Variants in SCN11A observed in about 807,000 individuals in gnomAD.
The protein encoded by SCN11A is sodium voltage-gated channel alpha subunit 11.
In SCN11A, 122 loss-of-function variants were observed where a neutral mutation model predicts 162.2. The ratio of observed to expected loss-of-function variants is 0.75; its 90% CI spans 0.65 to 0.87. The LOEUF (loss-of-function observed/expected upper bound fraction) is 0.87, where lower values mean the gene tolerates loss of function less well. Ranked by LOEUF, SCN11A falls within the 40% of genes least tolerant of loss-of-function variation. SCN11A has a pLI of 0.00. For missense variants in SCN11A, 2,015 were observed against 2,181.6 expected (o/e 0.92, Z 1.52); for synonymous variants, 758 against 751.5 (o/e 1.01, Z -0.14).
chr3:38,994,720 A>G (rs2030559091), intron 2 of SCN11A, among the ~76,000 whole-genome samples: 1 of 152,140 alleles, frequency 6.6e-6, no homozygotes, highest in Non-Finnish European at 1.5e-5. Context: ...GAGTGTTTCT[A>G]TGGACGAAGT....
At chr3:38,864,542 G>C (rs2065013032) in intron 27 of SCN11A, among the ~76,000 whole-genome samples, 1 of 152,120 alleles carries the variant, frequency 6.6e-6, no homozygotes, top group Non-Finnish European at 1.5e-5. Context: ...TAGATGTTAA[G>C]TGAAAACTTT....
chr3:39,010,623 C>A (rs1368797924), intron 2 of SCN11A, among the ~76,000 whole-genome samples: 1 of 152,118 alleles, frequency 6.6e-6, no homozygotes, highest in African/African-American at 2.4e-5. Context: ...CATGATCCAC[C>A]CGCCTCGGCC....
intron 2 of SCN11A, among the ~76,000 whole-genome samples, chr3:38,980,303 A>G (rs192556487): frequency 3.3e-4 from 51 of 152,368 alleles, no homozygotes; most frequent in Middle Eastern, 6.8e-3. Context: ...TGGGAAAACC[A>G]TGGAAAACTG....
In SCN11A at chr3:38,905,055, C is replaced by T. The variant is rs754871244; in HGVS notation, c.1603+137G>A. The T allele has an allele frequency of 5.6e-4, 611 of 1,093,242 alleles. 2 individuals are homozygous for T. The highest frequency in any genetic ancestry group is 2.2e-4 in the Non-Finnish European group (158 of 734,812). The allele number at this position is 1,093,242 out of a possible 1,614,324, so 67.7% of individuals were successfully genotyped here. A position where few individuals can be genotyped will look rare whatever the true frequency, so the allele number is the denominator to read the frequency against. ...CATGCTCCAAAGAGGCAAAGGAAGT[C>T]ACTCTTTGCAGGATGGTACAGTGGG... On this transcript the variant is annotated intron_variant, in intron 15 of 29. Coordinates refer to ENST00000302328, the MANE Select transcript of SCN11A (RefSeq NM_001349253.2).
At chr3:38,951,281 G>A (rs1013141144) in intron 4 of SCN11A, among the ~76,000 whole-genome samples, 2 of 152,244 alleles carry the variant, frequency 1.3e-5, no homozygotes, top group African/African-American at 2.4e-5. Flanking sequence ...GGCAGTGAGG[G>A]GCTTGGCACC....
chr3:38,847,147 G>T lies in SCN11A; in HGVS notation c.4923C>A (p.Ile1641=), dbSNP rs2064683938. 3 of 1,614,166 alleles carry T rather than the reference G, an allele frequency of 1.9e-6. No homozygotes were observed. In the African/African-American group the frequency reaches 4.0e-5, roughly 22 times the overall value. ...CAAAGTCAGAAAGGGCAGAATATTT[G>T]ATAAATTGTGTTGCTTCTGGGTCAA... The part of the protein sequence containing the change: ...EKFDPEATQF[I]KYSALSDFAD... Residue 1641 remains isoleucine (I), a synonymous_variant, in exon 30 of 30, where the codon ATC becomes ATA. Transcript: ENST00000302328.
At chr3:38,949,049 T>C (rs1445674417) in intron 5 of SCN11A, among the ~76,000 whole-genome samples, 1 of 152,210 alleles carries the variant, frequency 6.6e-6, no homozygotes, top group East Asian at 1.9e-4. Flanking sequence ...CTATCCCAAT[T>C]GAAGTACATG....
chr3:38,971,421 C>T (rs1176681060), intron 2 of SCN11A, among the ~76,000 whole-genome samples: 3 of 152,096 alleles, frequency 2.0e-5, no homozygotes, highest in Non-Finnish European at 4.4e-5. Flanking sequence ...GACAAAAGAG[C>T]AAGCAGGCAG....
At chr3:38,929,156 C>A (rs1310840391) in intron 7 of SCN11A, among the ~76,000 whole-genome samples, 1 of 130,180 alleles carries the variant, frequency 7.7e-6, no homozygotes, top group Non-Finnish European at 1.7e-5. Context: ...CACACACACA[C>A]ACACACACAC....
intron 26 of SCN11A, among the ~76,000 whole-genome samples, chr3:38,868,913 T>G (rs573354198): frequency 6.6e-6 from 1 of 152,204 alleles, no homozygotes; most frequent in African/African-American, 2.4e-5. Context: ...ACGGAGTTGA[T>G]AGCCATGGGC....
intron 2 of SCN11A, among the ~76,000 whole-genome samples, chr3:39,026,945 TG>T (rs2031604070): frequency 1.3e-5 from 2 of 152,322 alleles, no homozygotes; most frequent in South Asian, 4.1e-4. Context: ...GCCTTATTAG[TG>T]TTAAGTCAGA....
intron 5 of SCN11A, 47 bp from the exon 6 acceptor site, chr3:38,946,954 AG>A: frequency 9.2e-7 from 1 of 1,085,210 alleles, no homozygotes. Context: ...CATACACAAC[AG>A]GAATTAAATG....
intron 2 of SCN11A, among the ~76,000 whole-genome samples, chr3:38,972,216 T>C (rs989589446): frequency 6.6e-6 from 1 of 152,164 alleles, no homozygotes; most frequent in South Asian, 2.1e-4. Context: ...GGGGGAGTGA[T>C]GGGGGAGCCT....
At chr3:39,004,482 T>TTAA in intron 2 of SCN11A, among the ~76,000 whole-genome samples, 2 of 152,322 alleles carry the variant, frequency 1.3e-5, no homozygotes, top group African/African-American at 4.8e-5. Flanking sequence ...TCCTTTTACT[T>TTAA]AGGATTGTCT....
intron 1 of SCN11A, among the ~76,000 whole-genome samples, chr3:39,035,303 A>G (rs2031873740): frequency 6.6e-6 from 1 of 152,210 alleles, no homozygotes. Flanking sequence ...TACATCTACA[A>G]TGAACTCACT....
At chr3:39,004,435 A>G (rs1410386401) in intron 2 of SCN11A, among the ~76,000 whole-genome samples, 2 of 152,122 alleles carry the variant, frequency 1.3e-5, no homozygotes, top group Non-Finnish European at 2.9e-5. Flanking sequence ...CCTGTAGTAT[A>G]GTTTGAAGTT....
chr3:38,943,182 G>A (rs780781538), intron 7 of SCN11A, among the ~76,000 whole-genome samples: 3 of 152,040 alleles, frequency 2.0e-5, no homozygotes, highest in Non-Finnish European at 4.4e-5. Flanking sequence ...GCATCTCAAA[G>A]CATTATGCTA....
chr3:39,027,374 C>T lies in SCN11A; in HGVS notation c.-280+5006G>A, dbSNP rs76181004. 3.0e-3 allele frequency among the ~76,000 whole-genome samples: 451 copies of T among 152,238 alleles called. 18 individuals are homozygous for T. The East Asian group carries it at 0.08, about 27-fold the overall frequency. On this transcript the variant is annotated intron_variant, in intron 2 of 29. Transcript: ENST00000302328. ...AGGATTGTTACTGGGTTTTGGGGGT[C>T]ATTCACTTACTCAAGGTTGACACCA...
Position 38,921,154 on chromosome 3 carries a change from G to A in SCN11A, c.814C>T (p.Gln272Ter), listed in dbSNP as rs748902481. Residue 272 changes from glutamine (Q) to a stop codon, truncating the protein, a stop_gained, in exon 10 of 30, where the codon CAG becomes TAG. Coordinates refer to ENST00000302328, the MANE Select transcript of SCN11A (RefSeq NM_001349253.2). LOFTEE classifies it high-confidence loss of function. ...FCLSIFALVG[Q>*]QLFMGSLNLK... The stretch of plus-strand genomic sequence containing the variant: ...TTCAGACTTCCCATGAAGAGCTGCT[G>A]ACCTACCAGGGCAAAGATGCTGAGG... 1 of 1,614,070 alleles carries A rather than the reference G, an allele frequency of 6.2e-7. No homozygotes were observed. The highest frequency in any genetic ancestry group is 1.1e-5 in the South Asian group (1 of 91,074).
Sources: gnomAD v4.1 joint callset for allele counts (sites outside exome capture counted in the v4.1 genomes callset) on GRCh38, gnomAD v4.1.1 for gene constraint, MANE v1.5 for transcripts, NCBI Gene and HGNC (gene_info 2026-07-23, HGNC 2026-07-21) for gene names.